P3H2: variants seen among roughly 807,000 people sequenced by gnomAD.
The protein encoded by P3H2 is prolyl 3-hydroxylase 2.
A neutral mutation model predicts 87.0 loss-of-function variants in P3H2; 80 were observed. That is an observed-to-expected ratio of 0.92 (90% CI 0.77 to 1.11). The LOEUF (loss-of-function observed/expected upper bound fraction) is 1.11, where lower values mean the gene tolerates loss of function less well. Ranked by LOEUF, P3H2 falls within the 50% of genes least tolerant of loss-of-function variation. P3H2 has a pLI of 0.00. For synonymous variants in P3H2, 367 were observed against 359.3 expected (o/e 1.02, Z -0.24); for missense variants, 1,001 against 923.9 (o/e 1.08, Z -1.08).
At chr3:190,017,870 A>C (rs1293303289) in intron 1 of P3H2, among the ~76,000 whole-genome samples, 1 of 152,248 alleles carries the variant, frequency 6.6e-6, no homozygotes, top group Non-Finnish European at 1.5e-5. Context: ...GAGGGCAGAA[A>C]AGTGCTTCAA....
chr3:189,968,575 A>G (rs528503388), intron 13 of P3H2, among the ~76,000 whole-genome samples: 1 of 152,344 alleles, frequency 6.6e-6, no homozygotes, highest in East Asian at 1.9e-4. Context: ...ATGTCTTTAT[A>G]GTAGAATGAT....
chr3:190,079,405 G>A (rs1726974602), intron 1 of P3H2, among the ~76,000 whole-genome samples: 2 of 151,768 alleles, frequency 1.3e-5, no homozygotes, highest in South Asian at 4.2e-4. Flanking sequence ...CTGTAAAGCT[G>A]GGGACATAAT....
chr3:190,072,966 T>A (rs1726754090), intron 1 of P3H2, among the ~76,000 whole-genome samples: 1 of 152,210 alleles, frequency 6.6e-6, no homozygotes. Flanking sequence ...CATTCTTAAA[T>A]CACTATTGTA....
intron 1 of P3H2, among the ~76,000 whole-genome samples, chr3:190,120,010 G>T (rs776270401): frequency 6.6e-6 from 1 of 152,194 alleles, no homozygotes; most frequent in Non-Finnish European, 1.5e-5. Context: ...CACCTTATCA[G>T]GACAGTCCTC....
intron 14 of P3H2, among the ~76,000 whole-genome samples, chr3:189,962,293 G>C (rs1300152157): frequency 1.3e-5 from 2 of 151,032 alleles, no homozygotes; most frequent in African/African-American, 2.4e-5. Flanking sequence ...CCCTGCCTCA[G>C]GCTCCCGAGC....
At chr3:190,064,474 C>T (rs570417993) in intron 1 of P3H2, among the ~76,000 whole-genome samples, 4 of 151,856 alleles carry the variant, frequency 2.6e-5, no homozygotes, top group Non-Finnish European at 5.9e-5. Context: ...AATCTGAAGT[C>T]GACAGGTTTA....
At chr3:189,979,521 T>C (rs1309798327) in intron 8 of P3H2, among the ~76,000 whole-genome samples, 1 of 152,044 alleles carries the variant, frequency 6.6e-6, no homozygotes, top group East Asian at 1.9e-4. Context: ...CCCAGAAAAA[T>C]TGAGTCACTA....
rs749282059 is a variant in P3H2, at chr3:189,970,864, A to G, written c.1845T>C (p.Phe615=). The part of the protein sequence containing the change: ...YSALLYMNDD[F]EGGEFIFTEM... The stretch of plus-strand genomic sequence containing the variant: ...CTGTGAATATGAATTCTCCTCCTTC[A>G]AAGTCATCATTCATATATAGGAGAG... The change falls in exon 13 of 15, where the codon TTT becomes TTC. Residue 615 remains phenylalanine, a synonymous_variant. Coordinates refer to ENST00000319332, the MANE Select transcript of P3H2 (RefSeq NM_018192.4). 5 of 1,587,204 alleles carry G rather than the reference A, an allele frequency of 3.2e-6. No individual in the cohort carries two copies. Among genetic ancestry groups the G allele is most frequent in the Non-Finnish European group, 4.3e-6 (5 of 1,155,616 alleles).
rs1351643854 is a variant in P3H2 at position 190,072,357 on chromosome 3, G to T, written c.480+47895C>A. Among the ~76,000 whole-genome samples the T allele has an allele frequency of 2.0e-5, 3 of 152,200 alleles. No homozygotes were observed. In the East Asian group the frequency reaches 5.8e-4, roughly 29 times the overall value. On this transcript the variant is annotated intron_variant, in intron 1 of 14. Coordinates refer to ENST00000319332, the MANE Select transcript of P3H2 (RefSeq NM_018192.4). The stretch of plus-strand genomic sequence containing the variant: ...GAAGTTTTAATCCATTAAACTTTAA[G>T]TCTCTTTTATTTAAAGTATAATTTA...
intron 1 of P3H2, among the ~76,000 whole-genome samples, chr3:190,115,269 C>T (rs920764837): frequency 6.6e-6 from 1 of 152,074 alleles, no homozygotes; most frequent in Non-Finnish European, 1.5e-5. Flanking sequence ...ATTTATTTTT[C>T]GCCTTCCTTT....
In P3H2 at chr3:189,964,057, T is replaced by A. The variant is rs537633282; in HGVS notation, c.1935A>T (p.Ser645=). ...CCCCATGAGGGTTCTCTCCTCCAGATGAGAAGCTGATCATGCGCCCACATT... is the reference window on the plus strand; with the variant it reads ...CCCCATGAGGGTTCTCTCCTCCAGAAGAGAAGCTGATCATGCGCCCACATT... ...KPKCGRMISF[S]SGGENPHGVK... is the part of the protein sequence containing the mutation. The change falls in exon 14 of 15, where the codon TCA becomes TCT. Residue 645 remains serine, a synonymous_variant. Coordinates refer to ENST00000319332, the MANE Select transcript of P3H2 (RefSeq NM_018192.4). 3 of 1,613,964 alleles carry A rather than the reference T, an allele frequency of 1.9e-6. No homozygotes were observed. The highest frequency in any genetic ancestry group is 2.5e-6 in the Non-Finnish European group (3 of 1,179,956).
chr3:190,031,853 A>G lies in P3H2; in HGVS notation c.481-36411T>C, dbSNP rs150389628. Among the ~76,000 whole-genome samples the G allele has an allele frequency of 1.0e-2, 1,516 of 152,320 alleles. 21 individuals carry two copies. The highest frequency in any genetic ancestry group is 0.033 in the African/African-American group (1,386 of 41,562). ...ATAATTGATCAGAACTCAATGTACCAAAGTCATGTAAGACAAGTATAGACC... is the reference window on the plus strand; with the variant it reads ...ATAATTGATCAGAACTCAATGTACCGAAGTCATGTAAGACAAGTATAGACC... On this transcript the variant is annotated intron_variant, in intron 1 of 14. Coordinates refer to ENST00000319332, the MANE Select transcript of P3H2 (RefSeq NM_018192.4).
At chr3:190,066,220 C>T (rs1560385970) in intron 1 of P3H2, among the ~76,000 whole-genome samples, 1 of 150,608 alleles carries the variant, frequency 6.6e-6, no homozygotes, top group African/African-American at 2.5e-5. Context: ...TGGATATATA[C>T]ATGTGGCATA....
At chr3:190,016,496 G>A (rs1052429258) in intron 1 of P3H2, among the ~76,000 whole-genome samples, 3 of 151,970 alleles carry the variant, frequency 2.0e-5, no homozygotes, top group Non-Finnish European at 2.9e-5. Context: ...CACCCGCCTC[G>A]GCCTCCCAAA....
At position 189,994,333 on chromosome 3, in the gene P3H2, C is replaced by CAAAA. The variant is rs775777388; in HGVS notation, c.634-54_634-51dup. ...ACAAACAAACAAACAAACAAACAAA[C>CAAAA]AAAAAAACCCTTATTTTCAAAGAGA... is the stretch of plus-strand genomic sequence containing the variant. On this transcript the variant is annotated intron_variant, in intron 2 of 14. Coordinates refer to ENST00000319332, the MANE Select transcript of P3H2 (RefSeq NM_018192.4). The CAAAA allele has an allele frequency of 3.2e-4, 471 of 1,465,600 alleles. 3 individuals carry two copies. In the African/African-American group the frequency reaches 4.1e-3, roughly 13 times the overall value. 90.8% of individuals were successfully genotyped at this position (1,465,600 alleles called of 1,614,324 possible). A position where few individuals can be genotyped will look rare whatever the true frequency, so the allele number is the denominator to read the frequency against.
upstream of P3H2, chr3:190,121,210 A>C (rs1712574291): frequency 6.5e-6 from 1 of 153,884 alleles, no homozygotes; most frequent in Non-Finnish European, 1.4e-5. Flanking sequence ...ATGGCCTCGC[A>C]GTTTGCAGAG....
chr3:190,042,109 G>A (rs1350599421), intron 1 of P3H2, among the ~76,000 whole-genome samples: 3 of 152,194 alleles, frequency 2.0e-5, no homozygotes, highest in Non-Finnish European at 2.9e-5. Context: ...TGGAGGAGTA[G>A]AGGGAGGGGT....
At position 190,091,091 on chromosome 3, in the gene P3H2, A is replaced by G. The variant is rs547405791; in HGVS notation, c.480+29161T>C. Among the ~76,000 whole-genome samples, 6 of 152,362 alleles carry G rather than the reference A, an allele frequency of 3.9e-5. No homozygotes were observed. The South Asian group carries it at 1.2e-3, about 32-fold the overall frequency. ...AATGTTTGTTCTATAAATAAAATAA[A>G]TATCAAAGCTAGTTTTTTATTGTGC... On this transcript the variant is annotated intron_variant, in intron 1 of 14. Transcript: ENST00000319332.
chr3:190,100,876 C>A (rs1035035153), intron 1 of P3H2, among the ~76,000 whole-genome samples: 1 of 152,046 alleles, frequency 6.6e-6, no homozygotes, highest in Non-Finnish European at 1.5e-5. Context: ...AGGTTTGTGG[C>A]GACCTTGCAT....
Sources: gnomAD v4.1 joint callset for allele counts (sites outside exome capture counted in the v4.1 genomes callset) on GRCh38, gnomAD v4.1.1 for gene constraint, MANE v1.5 for transcripts, NCBI Gene and HGNC (gene_info 2026-07-23, HGNC 2026-07-21) for gene names.